Variants in MAGI2 observed in about 807,000 individuals in gnomAD.
MAGI2 encodes membrane-associated guanylate kinase, WW and PDZ domain-containing protein 2.
A neutral mutation model predicts 133.3 loss-of-function variants in MAGI2; 35 were observed. That is an observed-to-expected ratio of 0.26 (90% CI 0.20 to 0.35). The LOEUF (loss-of-function observed/expected upper bound fraction) is 0.35, where lower values mean the gene tolerates loss of function less well. MAGI2 is among the 10% of genes least tolerant of loss of function. The pLI, the probability that MAGI2 is intolerant of heterozygous loss-of-function variation, is 1.00. For missense variants in MAGI2, 1,636 were observed against 1,863.4 expected (o/e 0.88, Z 2.25); for synonymous variants, 729 against 710.6 (o/e 1.03, Z -0.41).
At chr7:78,292,490 T>G (rs1330472213) in intron 9 of MAGI2, among the ~76,000 whole-genome samples, 3 of 152,074 alleles carry the variant, frequency 2.0e-5, no homozygotes, top group African/African-American at 4.8e-5. Flanking sequence ...ATCAATATCG[T>G]GAAAATGGCC....
intron 1 of MAGI2, among the ~76,000 whole-genome samples, chr7:79,378,953 T>C (rs1440413292): frequency 1.3e-5 from 1 of 77,218 alleles, no homozygotes; most frequent in Admixed American, 1.3e-4. Flanking sequence ...TATATATATA[T>C]ATATATATAT....
At position 79,453,213 on chromosome 7, in the gene MAGI2, G is replaced by C. The variant is rs767059804; in HGVS notation, c.108C>G (p.Ala36=). 1.2e-6 allele frequency: 2 copies of C among 1,613,946 alleles called. No individual in the cohort carries two copies. The highest frequency in any genetic ancestry group is 1.7e-5 in the Admixed American group (1 of 60,024). ...CCAGGTAGGGGAACTGTCCATTCTC[G>C]GCGCCCCCCTTCAGTTCAAAGCCCA... The part of the protein sequence containing the change: ...GQLGFELKGG[A]ENGQFPYLGE... The change falls in exon 1 of 22, where the codon GCC becomes GCG. Residue 36 remains alanine (A), a synonymous_variant. Transcript: ENST00000354212.
intron 1 of MAGI2, among the ~76,000 whole-genome samples, chr7:79,083,978 T>C (rs548320465): frequency 1.3e-5 from 2 of 151,850 alleles, no homozygotes; most frequent in East Asian, 3.9e-4. Flanking sequence ...CCTTATAATC[T>C]TTTTATATCT....
intron 20 of MAGI2, among the ~76,000 whole-genome samples, chr7:78,096,345 A>T (rs898361109): frequency 6.6e-6 from 1 of 152,228 alleles, no homozygotes; most frequent in Admixed American, 6.5e-5. Flanking sequence ...TGAGAATGGG[A>T]ATTATGGTGG....
intron 7 of MAGI2, among the ~76,000 whole-genome samples, chr7:78,354,414 T>TG (rs1562875315): frequency 1.3e-5 from 2 of 152,162 alleles, no homozygotes; most frequent in Non-Finnish European, 2.9e-5. Flanking sequence ...GTCAGAGAAT[T>TG]ACCAAGGACA....
chr7:79,237,376 C>T (rs1231730533), intron 1 of MAGI2, among the ~76,000 whole-genome samples: 1 of 152,156 alleles, frequency 6.6e-6, no homozygotes, highest in African/African-American at 2.4e-5. Context: ...GCCTGTAGTC[C>T]TAGCTACTCT....
chr7:78,612,508 A>G (rs1037639532), intron 3 of MAGI2, among the ~76,000 whole-genome samples: 1 of 152,082 alleles, frequency 6.6e-6, no homozygotes, highest in Non-Finnish European at 1.5e-5. Flanking sequence ...AAACAAATAA[A>G]CCACATTGTT....
intron 6 of MAGI2, among the ~76,000 whole-genome samples, chr7:78,408,529 G>C (rs1288608601): frequency 1.3e-5 from 2 of 151,974 alleles, no homozygotes; most frequent in African/African-American, 4.8e-5. Flanking sequence ...ATTAATTAAA[G>C]ATCTCTTAGA....
Position 78,487,174 on chromosome 7 carries a change from GAAAA to G in MAGI2, c.1045+2583_1045+2586del, listed in dbSNP as rs35515187. ...CAGGAAGTAGCTGCAGCAGGATGGG[GAAAA>G]AAAAAAAAAAAAGCCAAAATACCAA... On this transcript the variant is annotated intron_variant, in intron 6 of 21. Coordinates refer to ENST00000354212, the MANE Select transcript of MAGI2 (RefSeq NM_012301.4). 2.2e-3 allele frequency: 383 copies of G among 173,898 alleles called. 1 individual carries two copies. The highest frequency in any genetic ancestry group is 4.3e-3 in the South Asian group (36 of 8,376). 10.8% of individuals were successfully genotyped at this position (173,898 alleles called of 1,614,324 possible).
intron 1 of MAGI2, among the ~76,000 whole-genome samples, chr7:79,443,557 T>C (rs1182201037): frequency 6.6e-6 from 1 of 152,186 alleles, no homozygotes. Flanking sequence ...TGGGTTTCTA[T>C]AGCACTTATT....
chr7:79,049,561 C>A (rs772103159), intron 1 of MAGI2, among the ~76,000 whole-genome samples: 2 of 152,000 alleles, frequency 1.3e-5, no homozygotes, highest in Non-Finnish European at 2.9e-5. Context: ...TGATGTTTGC[C>A]AACATACATC....
intron 3 of MAGI2, chr7:78,618,233 C>T (rs1359762896): frequency 2.0e-5 from 3 of 151,950 alleles, no homozygotes; most frequent in Admixed American, 6.6e-5. Context: ...AACATGGACT[C>T]TTAAGTTAAA....
chr7:78,598,974 G>A (rs1347942144), intron 3 of MAGI2, among the ~76,000 whole-genome samples: 1 of 152,120 alleles, frequency 6.6e-6, no homozygotes, highest in Non-Finnish European at 1.5e-5. Context: ...GGATTCACGG[G>A]TTTGGAGCTT....
intron 2 of MAGI2, among the ~76,000 whole-genome samples, chr7:78,820,504 G>A (rs922585249): frequency 1.3e-4 from 20 of 151,804 alleles, no homozygotes; most frequent in African/African-American, 4.6e-4. Context: ...TATTGTACTA[G>A]TAATTTTTAT....
chr7:78,946,065 C>T (rs1486346845), intron 2 of MAGI2, among the ~76,000 whole-genome samples: 1 of 151,950 alleles, frequency 6.6e-6, no homozygotes, highest in Non-Finnish European at 1.5e-5. Flanking sequence ...ATCAAAGAAA[C>T]ATGAAAAAAT....
intron 9 of MAGI2, among the ~76,000 whole-genome samples, chr7:78,340,341 G>A (rs1015178809): frequency 9.9e-5 from 15 of 152,026 alleles, no homozygotes; most frequent in Non-Finnish European, 1.9e-4. Flanking sequence ...AAATGTCCAG[G>A]ACCAGACAGA....
rs370238866 is a variant in MAGI2, at chr7:78,407,282, A to G, written c.1046-38069T>C. On this transcript the variant is annotated intron_variant, in intron 6 of 21. Transcript: ENST00000354212. Reference sequence around the variant, plus strand: ...ACTCACTGAGTTCAGTTAAATATGCATCTGTCACAGGATAGCGTGCTTAGT... The same window carrying G: ...ACTCACTGAGTTCAGTTAAATATGCGTCTGTCACAGGATAGCGTGCTTAGT... Among the ~76,000 whole-genome samples, 13 of 152,124 alleles carry G rather than the reference A, an allele frequency of 8.5e-5. No individual in the cohort carries two copies. The East Asian group carries it at 2.5e-3, about 29-fold the overall frequency.
rs925683685 is a variant in MAGI2, at chr7:79,453,248, C to T, written c.73G>A (p.Glu25Lys). ...VHESVIGRNP[E>K]GQLGFELKGG... ...TTCAGTTCAAAGCCCAGCTGGCCCT[C>T]CGGGTTCCTGCCAATGACACTCTCA... The change falls in exon 1 of 22, where the codon GAG becomes AAG. Residue 25 changes from glutamate (E) to lysine (K), a missense_variant. Physicochemically the swap from Glu to Lys is moderately conservative, Grantham distance 56 (BLOSUM62 1). Coordinates refer to ENST00000354212, the MANE Select transcript of MAGI2 (RefSeq NM_012301.4). The T allele has an allele frequency of 6.2e-7, 1 of 1,613,790 alleles. No individual in the cohort carries two copies. The highest frequency in any genetic ancestry group is 1.3e-5 in the African/African-American group (1 of 74,946).
chr7:78,736,729 G>A (rs1821884327), intron 2 of MAGI2, among the ~76,000 whole-genome samples: 1 of 152,168 alleles, frequency 6.6e-6, no homozygotes. Context: ...AATCAAGGCA[G>A]TGGCAGCATC....
Sources: allele counts gnomAD v4.1 joint callset (sites outside exome capture counted in the v4.1 genomes callset), GRCh38; gene constraint gnomAD v4.1.1; transcripts MANE v1.5; gene names NCBI Gene and HGNC (gene_info 2026-07-23, HGNC 2026-07-21).